The following GIPC1 variants were observed in gnomAD, a reference collection of about 807,000 sequenced individuals.
GIPC1 encodes the protein PDZ domain-containing protein GIPC1.
GIPC1 carries 15 observed loss-of-function variants against 28.5 expected under a neutral mutation model. That is an observed-to-expected ratio of 0.53 (90% CI 0.35 to 0.81). The LOEUF is 0.81. GIPC1 is among the 30% of genes least tolerant of loss of function. The pLI is 0.01. For synonymous variants in GIPC1, 224 were observed against 206.1 expected (o/e 1.09, Z -0.74); for missense variants, 439 against 481.9 (o/e 0.91, Z 0.83).
At position 14,485,725 on chromosome 19, in the gene GIPC1, A is replaced by AGAGAGAGAGAGAGAGG. The variant is rs1555721819; in HGVS notation, c.-30-2720_-30-2719insCCTCTCTCTCTCTCTC. 5.4e-3 allele frequency among the ~76,000 whole-genome samples: 761 copies of AGAGAGAGAGAGAGAGG among 141,036 alleles called. 5 individuals are homozygous for AGAGAGAGAGAGAGAGG. Among genetic ancestry groups the AGAGAGAGAGAGAGAGG allele is most frequent in the Non-Finnish European group, 7.3e-3 (475 of 64,782 alleles). The allele number at this position is 141,036 out of a possible 152,430, so 92.5% of individuals were successfully genotyped here. A position where few individuals can be genotyped will look rare whatever the true frequency, so the allele number is the denominator to read the frequency against. On this transcript the variant is annotated intron_variant, in intron 3 of 8. Transcript: ENST00000393033. ...TATAGAGAGAGAGAGAGAGAGAGAG[A>AGAGAGAGAGAGAGAGG]GAGAGAGAGAGAGAGACAGAGAGAG... is the stretch of plus-strand genomic sequence containing the variant.
chr19:14,479,517 G>T lies in GIPC1; in HGVS notation c.663C>A (p.Ile221=). Residue 221 remains isoleucine (I), a synonymous_variant, in exon 7 of 9, where the codon ATC becomes ATA. Coordinates refer to ENST00000393033, the MANE Select transcript of GIPC1 (RefSeq NM_005716.4). Reference sequence around the variant, plus strand: ...GGCGGCCACCCGCTGAACGCTGGCTGATCATGTCTGTGGGAGGCAGGAGAG... The same window carrying T: ...GGCGGCCACCCGCTGAACGCTGGCTTATCATGTCTGTGGGAGGCAGGAGAG... ...LTEPRKAFDM[I]SQRSAGGRPG... is the part of the protein sequence containing the mutation. The T allele has an allele frequency of 7.0e-7, 1 of 1,437,474 alleles. No homozygotes were observed. The highest frequency in any genetic ancestry group is 2.2e-4 in the Middle Eastern group (1 of 4,634). The allele number at this position is 1,437,474 out of a possible 1,614,324, so 89.0% of individuals were successfully genotyped here.
At chr19:14,491,832 G>A (rs1185637826) in intron 2 of GIPC1, 89 bp from the exon 3 acceptor site, 5 of 152,178 alleles carry the variant, frequency 3.3e-5, no homozygotes, top group South Asian at 2.1e-4. Context: ...AGTGTCGGCC[G>A]GGTGTGGTGG....
intron 3 of GIPC1, chr19:14,483,711 T>C (rs1376299797): frequency 1.3e-5 from 2 of 150,318 alleles, no homozygotes; most frequent in African/African-American, 4.9e-5. Flanking sequence ...ATCACACCAC[T>C]GCACTCCACC....
chr19:14,488,326 C>T (rs2071890104), intron 3 of GIPC1, among the ~76,000 whole-genome samples: 1 of 151,958 alleles, frequency 6.6e-6, no homozygotes, highest in African/African-American at 2.4e-5. Context: ...TGGTGCACAC[C>T]TGTGATCCCA....
At chr19:14,491,162 C>A (rs117663855) in intron 3 of GIPC1, among the ~76,000 whole-genome samples, 1 of 151,978 alleles carries the variant, frequency 6.6e-6, no homozygotes, top group East Asian at 1.9e-4. Flanking sequence ...TGAGCCACTG[C>A]GCTCAGCCTA....
intron 3 of GIPC1, among the ~76,000 whole-genome samples, chr19:14,487,219 CT>C (rs1283428968): frequency 6.7e-6 from 1 of 149,834 alleles, no homozygotes; most frequent in Non-Finnish European, 1.5e-5. Flanking sequence ...TTCTTTTTTT[CT>C]TTTTTTTCTT....
chr19:14,489,261 T>C (rs927039874), intron 3 of GIPC1: 2 of 656,782 alleles, frequency 3.0e-6, no homozygotes. Context: ...TTGAAACTCA[T>C]GCTCGAACAA....
intron 3 of GIPC1, among the ~76,000 whole-genome samples, chr19:14,484,129 C>CTT (rs56178535): frequency 0.011 from 1,228 of 108,504 alleles, 15 homozygotes; most frequent in Non-Finnish European, 0.017. Flanking sequence ...GACCCTGACT[C>CTT]TTTTTTTTTT....
In GIPC1 at chr19:14,482,781, G is replaced by A. The variant is rs866822669; in HGVS notation, c.196C>T (p.His66Tyr). Reference sequence around the variant, plus strand: ...TCGATGCGGCCAGTGGGACTGCCATGGGCCAGCTGGGTGTGGAACACGAGG... The same window carrying A: ...TCGATGCGGCCAGTGGGACTGCCATAGGCCAGCTGGGTGTGGAACACGAGG... ...PRLVFHTQLA[H>Y]GSPTGRIEGF... Residue 66 changes from histidine to tyrosine, a missense_variant, in exon 4 of 9, where the codon CAT (histidine) becomes TAT (tyrosine). Coordinates refer to ENST00000393033, the MANE Select transcript of GIPC1 (RefSeq NM_005716.4). 5 of 1,609,092 alleles carry A rather than the reference G, an allele frequency of 3.1e-6. No individual in the cohort carries two copies. Among genetic ancestry groups the A allele is most frequent in the Non-Finnish European group, 4.2e-6 (5 of 1,178,712 alleles).
At chr19:14,489,695 T>C (rs967085070) in intron 3 of GIPC1, 16 of 759,698 alleles carry the variant, frequency 2.1e-5, no homozygotes, top group South Asian at 2.0e-4. Context: ...AATTAGGTCA[T>C]GTACATTTTC....
rs770458112 is a variant in GIPC1 at position 14,478,419 on chromosome 19, G to C, written c.999C>G (p.Tyr333Ter). Residue 333 changes from tyrosine to a stop codon, truncating the protein, a stop_gained, in exon 9 of 9, where the codon TAC (tyrosine) becomes TAG (stop). Coordinates refer to ENST00000393033, the MANE Select transcript of GIPC1 (RefSeq NM_005716.4). LOFTEE classifies it high-confidence loss of function. This position sits in a 1 kb window ranked among gnomAD's most constrained non-coding sequence, Gnocchi z 5.2. ...GAIGDAKVGR[Y>*] Reference sequence around the variant, plus strand: ...ATCGCAGGGTCCGGGGGCAGTCCTAGTAGCGGCCGACCTTGGCGTCCCCAA... The same window carrying C: ...ATCGCAGGGTCCGGGGGCAGTCCTACTAGCGGCCGACCTTGGCGTCCCCAA... 3.7e-6 allele frequency: 6 copies of C among 1,606,872 alleles called. No individual in the cohort carries two copies. The highest frequency in any genetic ancestry group is 1.1e-5 in the South Asian group (1 of 89,968).
chr19:14,480,700 T>C lies in GIPC1; in HGVS notation c.367A>G (p.Ile123Val), dbSNP rs2071710389. Residue 123 changes from isoleucine to valine, a missense_variant, in exon 5 of 9, where the codon ATC (isoleucine) becomes GTC (valine). By Grantham distance (29) the Ile-to-Val change is conservative (BLOSUM62 3). Coordinates refer to ENST00000393033, the MANE Select transcript of GIPC1 (RefSeq NM_005716.4). ...CGCTGCCCCTTCACGTGGGCGAAGA[T>C]GAAGTCCTCCAGCCCGATCTGGCCC... ...LGGQIGLEDF[I>V]FAHVKGQRKE... 1 of 1,614,102 alleles carries C rather than the reference T, an allele frequency of 6.2e-7. No homozygotes were observed. Among genetic ancestry groups the C allele is most frequent in the Non-Finnish European group, 8.5e-7 (1 of 1,179,928 alleles).
Position 14,479,506 on chromosome 19 carries a change from G to A in GIPC1, c.674C>T (p.Ser225Leu). 6.9e-7 allele frequency: 1 copy of A among 1,442,964 alleles called. No individual in the cohort carries two copies. The highest frequency in any genetic ancestry group is 9.1e-7 in the Non-Finnish European group (1 of 1,100,934). 89.4% of individuals were successfully genotyped at this position (1,442,964 alleles called of 1,614,324 possible). Reference sequence around the variant, plus strand: ...GCCAGAGCCAGGGCGGCCACCCGCTGAACGCTGGCTGATCATGTCTGTGGG... The same window carrying A: ...GCCAGAGCCAGGGCGGCCACCCGCTAAACGCTGGCTGATCATGTCTGTGGG... ...RKAFDMISQRSAGGRPGSGPQ... is the reference protein window; with the variant it reads ...RKAFDMISQRLAGGRPGSGPQ... Residue 225 changes from serine to leucine, a missense_variant, in exon 7 of 9, where the codon TCA (serine) becomes TTA (leucine). By Grantham distance (145) the Ser-to-Leu change is moderately radical (BLOSUM62 -2). Coordinates refer to ENST00000393033, the MANE Select transcript of GIPC1 (RefSeq NM_005716.4).
At chr19:14,480,845 G>A in intron 4 of GIPC1, 67 bp from the exon 5 acceptor site, 1 of 1,163,104 alleles carries the variant, frequency 8.6e-7, no homozygotes, top group Non-Finnish European at 1.3e-6. Flanking sequence ...CCACTGGAGG[G>A]CGAAGGGAGA....
intron 4 of GIPC1, chr19:14,482,471 C>T (rs1263219159): frequency 1.7e-6 from 1 of 601,962 alleles, no homozygotes; most frequent in Non-Finnish European, 3.0e-6. Flanking sequence ...CAGCATCCAG[C>T]CCTGGCCTCC....
rs1261502551 is a variant in GIPC1 at position 14,480,476 on chromosome 19, CCTT to C, written c.481_483del (p.Lys161del). ...TGGATGTGGTCGATCACGCTGCCCT[CCTT>C]GATGCGCTGCGGGGGCGGGGAGTCA... On this transcript the variant is annotated inframe_deletion, in exon 6 of 9. Transcript: ENST00000393033. 1.2e-6 allele frequency: 2 copies of C among 1,611,286 alleles called. No individual in the cohort carries two copies. The highest frequency in any genetic ancestry group is 8.5e-7 in the Non-Finnish European group (1 of 1,178,030).
At chr19:14,495,734 G>A (rs1473420484) in intron 1 of GIPC1, among the ~76,000 whole-genome samples, 3 of 152,046 alleles carry the variant, frequency 2.0e-5, no homozygotes, top group Non-Finnish European at 4.4e-5. Flanking sequence ...CACTGACCCC[G>A]CGCCTGTCCA....
At chr19:14,481,070 G>A (rs894711379) in intron 4 of GIPC1, among the ~76,000 whole-genome samples, 5 of 152,036 alleles carry the variant, frequency 3.3e-5, no homozygotes, top group South Asian at 2.1e-4. Context: ...CCCAGATTCC[G>A]GCAATCCTCC....
rs2071940536 is a variant in GIPC1, at chr19:14,490,315, A to G, written c.-31+1341T>C. ...TGGGAGGTGGAGGTTGCGGTGAATC[A>G]AGACCGTGCCATTGCACTCCAGCCT... On this transcript the variant is annotated intron_variant, in intron 3 of 8. Coordinates refer to ENST00000393033, the MANE Select transcript of GIPC1 (RefSeq NM_005716.4). 2.7e-5 allele frequency among the ~76,000 whole-genome samples: 4 copies of G among 150,088 alleles called. No individual in the cohort carries two copies. The South Asian group carries it at 6.3e-4, about 24-fold the overall frequency.
Sources: allele counts gnomAD v4.1 joint callset (sites outside exome capture counted in the v4.1 genomes callset), GRCh38; gene constraint gnomAD v4.1.1; non-coding constraint Gnocchi (gnomAD v3.1); transcripts MANE v1.5; gene names NCBI Gene and HGNC (gene_info 2026-07-23, HGNC 2026-07-21).